The following PLCB1 variants were observed in gnomAD, a reference collection of about 807,000 sequenced individuals.
PLCB1 encodes phospholipase C beta 1, also known as 1-phosphatidylinositol 4,5-bisphosphate phosphodiesterase beta-1.
PLCB1 carries 46 observed loss-of-function variants against 161.8 expected under a neutral mutation model. That is an observed-to-expected ratio of 0.28 (90% CI 0.22 to 0.36). The LOEUF is 0.36. Ranked by LOEUF, PLCB1 falls within the 10% of genes least tolerant of loss-of-function variation. The pLI, the probability that PLCB1 is intolerant of heterozygous loss-of-function variation, is 1.00. For missense variants in PLCB1, 1,016 were observed against 1,472.5 expected (o/e 0.69, Z 5.07); for synonymous variants, 517 against 503.7 (o/e 1.03, Z -0.35).
chr20:8,574,717 T>C (rs1986622797), intron 3 of PLCB1, among the ~76,000 whole-genome samples: 1 of 146,174 alleles, frequency 6.8e-6, no homozygotes, highest in Non-Finnish European at 1.5e-5. Context: ...GCCTCAGAGT[T>C]TCCCCACTGG....
At chr20:8,587,570 TTTTTCTA>T in intron 3 of PLCB1, among the ~76,000 whole-genome samples, 1 of 152,308 alleles carries the variant, frequency 6.6e-6, no homozygotes, top group East Asian at 1.9e-4. Context: ...TTTGTTTTTC[TTTTTCTA>T]TTTTCTATTG....
intron 2 of PLCB1, among the ~76,000 whole-genome samples, chr20:8,284,734 T>C (rs1274693079): frequency 6.6e-6 from 1 of 152,162 alleles, no homozygotes; most frequent in African/African-American, 2.4e-5. Context: ...ATATCAAGAA[T>C]TATATTAAAT....
intron 31 of PLCB1, among the ~76,000 whole-genome samples, chr20:8,825,118 C>T (rs1033101687): frequency 1.3e-5 from 2 of 152,174 alleles, no homozygotes; most frequent in South Asian, 4.1e-4. Context: ...TTCAATATGC[C>T]AGTGACCAAG....
At chr20:8,730,178 A>G (rs1424723573) in intron 18 of PLCB1, among the ~76,000 whole-genome samples, 1 of 151,952 alleles carries the variant, frequency 6.6e-6, no homozygotes, top group African/African-American at 2.4e-5. Flanking sequence ...ATGTTTAATT[A>G]AAAGTTCTTG....
At chr20:8,186,339 T>C (rs2051905457) in intron 2 of PLCB1, among the ~76,000 whole-genome samples, 2 of 152,224 alleles carry the variant, frequency 1.3e-5, no homozygotes, top group South Asian at 4.1e-4. Flanking sequence ...TTAAGAATAA[T>C]CTGAAGTTTT....
chr20:8,500,946 C>G lies in PLCB1; in HGVS notation c.247-127348C>G, dbSNP rs890629168. 2.6e-5 allele frequency among the ~76,000 whole-genome samples: 4 copies of G among 152,196 alleles called. 1 individual carries two copies. In the South Asian group the frequency reaches 8.3e-4, roughly 32 times the overall value. On this transcript the variant is annotated intron_variant, in intron 3 of 31. Transcript: ENST00000338037. Reference sequence around the variant, plus strand: ...ACAGTTAACAATTCCTGAAACCACACAAGTACACTGGATATCCTGACTATT... The same window carrying G: ...ACAGTTAACAATTCCTGAAACCACAGAAGTACACTGGATATCCTGACTATT...
rs562912737 is a variant in PLCB1 at position 8,159,504 on chromosome 20, A to G, written c.177+9133A>G. On this transcript the variant is annotated intron_variant, in intron 2 of 31. Coordinates refer to ENST00000338037, the MANE Select transcript of PLCB1 (RefSeq NM_015192.4). ...ATTTTCCCCATTGTCTTGAGGATTA[A>G]CATTTGGCTTCTTGTTACTTATGCA... Among the ~76,000 whole-genome samples the G allele has an allele frequency of 2.6e-5, 4 of 152,248 alleles. No individual in the cohort carries two copies. The South Asian group carries it at 8.3e-4, about 32-fold the overall frequency.
intron 11 of PLCB1, among the ~76,000 whole-genome samples, chr20:8,702,933 A>AT (rs892742903): frequency 7.2e-5 from 11 of 151,982 alleles, no homozygotes; most frequent in Admixed American, 3.3e-4. Context: ...AAATTTAGTA[A>AT]TTTTTTTTGC....
At chr20:8,465,100 AGTT>A (rs1981760301) in intron 3 of PLCB1, among the ~76,000 whole-genome samples, 1 of 151,980 alleles carries the variant, frequency 6.6e-6, no homozygotes, top group African/African-American at 2.4e-5. Flanking sequence ...TATGGGTTGA[AGTT>A]GTTTGTTATT....
At chr20:8,781,417 A>C (rs6118318) in intron 27 of PLCB1, among the ~76,000 whole-genome samples, 51 of 28,136 alleles carry the variant, frequency 1.8e-3, no homozygotes, top group African/African-American at 2.6e-3. Flanking sequence ...CACACACACA[A>C]ACACACACAC....
At chr20:8,212,420 G>A (rs541639653) in intron 2 of PLCB1, among the ~76,000 whole-genome samples, 10 of 152,102 alleles carry the variant, frequency 6.6e-5, no homozygotes, top group Admixed American at 1.3e-4. Flanking sequence ...AAGAAAATAC[G>A]GTGGGTGAAA....
At chr20:8,376,123 C>T (rs1987070958) in intron 3 of PLCB1, among the ~76,000 whole-genome samples, 1 of 152,114 alleles carries the variant, frequency 6.6e-6, no homozygotes, top group South Asian at 2.1e-4. Context: ...AACTTTAGTA[C>T]ATGAAAACTG....
intron 2 of PLCB1, among the ~76,000 whole-genome samples, chr20:8,369,604 C>A (rs571039240): frequency 6.6e-6 from 1 of 152,310 alleles, no homozygotes; most frequent in South Asian, 2.1e-4. Flanking sequence ...GATGGTGTGG[C>A]CTTCGGGGAA....
intron 2 of PLCB1, among the ~76,000 whole-genome samples, chr20:8,200,558 T>C (rs930190831): frequency 2.0e-5 from 3 of 152,194 alleles, no homozygotes. Context: ...TATTCTTGTG[T>C]ATAGGAATGC....
chr20:8,290,476 C>T (rs1247003431), intron 2 of PLCB1, among the ~76,000 whole-genome samples: 1 of 152,104 alleles, frequency 6.6e-6, no homozygotes, highest in Non-Finnish European at 1.5e-5. Flanking sequence ...TTATTCCAAC[C>T]AGGAACAAGT....
intron 7 of PLCB1, chr20:8,651,436 GA>G (rs1568546935): frequency 5.5e-6 from 4 of 726,656 alleles, no homozygotes; most frequent in Non-Finnish European, 1.0e-5. Context: ...ATGAGGCTGC[GA>G]AAAGTGAGCA....
At chr20:8,694,886 G>C (rs1460239785) in intron 10 of PLCB1, among the ~76,000 whole-genome samples, 1 of 152,134 alleles carries the variant, frequency 6.6e-6, no homozygotes, top group African/African-American at 2.4e-5. Flanking sequence ...GATAATATTT[G>C]AATTATTCAC....
intron 3 of PLCB1, among the ~76,000 whole-genome samples, chr20:8,458,561 C>T (rs914452864): frequency 6.6e-6 from 1 of 152,186 alleles, no homozygotes; most frequent in African/African-American, 2.4e-5. Flanking sequence ...TTGCCCAGGC[C>T]TTCACTCTTA....
intron 3 of PLCB1, among the ~76,000 whole-genome samples, chr20:8,617,162 C>A (rs1988059613): frequency 6.6e-6 from 1 of 152,164 alleles, no homozygotes; most frequent in Non-Finnish European, 1.5e-5. Flanking sequence ...GACTTACAGA[C>A]CACCTGTAAA....
Sources: gnomAD v4.1 joint callset for allele counts (sites outside exome capture counted in the v4.1 genomes callset) on GRCh38, gnomAD v4.1.1 for gene constraint, MANE v1.5 for transcripts, NCBI Gene and HGNC (gene_info 2026-07-23, HGNC 2026-07-21) for gene names.